The following GOLM2 variants were observed in gnomAD, a reference collection of about 807,000 sequenced individuals.
GOLM2 encodes the protein golgi membrane protein 2.
In GOLM2, 26 loss-of-function variants were observed where a neutral mutation model predicts 55.9. The observed-to-expected ratio is 0.47, with a 90% CI of 0.34 to 0.65. GOLM2 has a LOEUF of 0.65. Among genes scored for constraint, GOLM2 ranks in the 30% least tolerant of loss-of-function variants. The pLI is 0.01. For missense variants in GOLM2, 486 were observed against 531.8 expected, an observed-to-expected ratio of 0.91 and a Z score of 0.85; for synonymous variants, 165 against 194.6, an observed-to-expected ratio of 0.85 and a Z score of 1.27.
intron 2 of GOLM2, among the ~76,000 whole-genome samples, chr15:44,324,688 G>A (rs539555379): frequency 6.6e-6 from 1 of 152,066 alleles, no homozygotes; most frequent in African/African-American, 2.4e-5. Context: ...ATTTTGATTA[G>A]CTTACCTTGT....
At chr15:44,369,713 C>T (rs1357147666) in intron 6 of GOLM2, among the ~76,000 whole-genome samples, 2 of 150,904 alleles carry the variant, frequency 1.3e-5, no homozygotes, top group East Asian at 3.9e-4. Context: ...CACACACACA[C>T]ACACACACAC....
At chr15:44,339,578 T>A (rs944739244) in intron 6 of GOLM2, among the ~76,000 whole-genome samples, 2 of 152,054 alleles carry the variant, frequency 1.3e-5, no homozygotes, top group Admixed American at 1.3e-4. Flanking sequence ...CCTCAAGTGA[T>A]TCTCCCACCT....
chr15:44,331,804 C>T (rs1378735820), intron 3 of GOLM2, among the ~76,000 whole-genome samples, 184 bp from the exon 4 acceptor site: 2 of 152,120 alleles, frequency 1.3e-5, no homozygotes, highest in Admixed American at 6.6e-5. Context: ...TTATCTACCT[C>T]CTATTACAAG....
chr15:44,397,890 T>C (rs1364994004), intron 8 of GOLM2, among the ~76,000 whole-genome samples: 4 of 152,228 alleles, frequency 2.6e-5, no homozygotes, highest in African/African-American at 7.2e-5. Flanking sequence ...GTTTCCAGGC[T>C]AGGATTTGGA....
At chr15:44,297,655 G>C (rs1232828088) in intron 1 of GOLM2, among the ~76,000 whole-genome samples, 6 of 150,820 alleles carry the variant, frequency 4.0e-5, no homozygotes, top group Non-Finnish European at 7.4e-5. Flanking sequence ...TCCGCCTCCC[G>C]GGTTCACACC....
intron 3 of GOLM2, 120 bp from the exon 4 acceptor site, chr15:44,331,868 C>T: frequency 3.0e-6 from 2 of 658,328 alleles, no homozygotes; most frequent in East Asian, 2.8e-5. Flanking sequence ...CTGTTTTTTC[C>T]AGCCCACTCT....
chr15:44,338,292 A>G lies in GOLM2; in HGVS notation c.777A>G (p.Leu259=). The G allele has an allele frequency of 1.2e-6, 2 of 1,613,790 alleles. No individual in the cohort carries two copies. Among genetic ancestry groups the G allele is most frequent in the Non-Finnish European group, 1.7e-6 (2 of 1,179,744 alleles). Residue 259 remains leucine (L), a synonymous_variant, in exon 6 of 10, where the codon CTA becomes CTG. Coordinates refer to ENST00000299957, the MANE Select transcript of GOLM2 (RefSeq NM_138423.4). ...TGCCTGGAATAGAAGAGAATGACCT[A>G]GCAAAAGTTGATGATCTTCCCCCTG... ...AGMPGIEEND[L]AKVDDLPPAL...
chr15:44,363,649 T>C (rs1271001025), intron 6 of GOLM2, among the ~76,000 whole-genome samples: 1 of 152,108 alleles, frequency 6.6e-6, no homozygotes, highest in East Asian at 1.9e-4. Context: ...TCCTCAGGGA[T>C]CTAGAACTAG....
intron 8 of GOLM2, among the ~76,000 whole-genome samples, chr15:44,396,079 G>C (rs1567043260): frequency 6.6e-6 from 1 of 152,106 alleles, no homozygotes; most frequent in Admixed American, 6.6e-5. Flanking sequence ...ATGAGGCCAG[G>C]TGTGGTGGCT....
chr15:44,391,308 A>T (rs1466784075), intron 8 of GOLM2, among the ~76,000 whole-genome samples: 1 of 151,910 alleles, frequency 6.6e-6, no homozygotes, highest in Non-Finnish European at 1.5e-5. Context: ...AGGTCGGGAG[A>T]TCGAGACCAT....
At chr15:44,369,068 TATATATA>T (rs1567037143) in intron 6 of GOLM2, among the ~76,000 whole-genome samples, 91 of 5,832 alleles carry the variant, frequency 0.016, 1 homozygote, top group African/African-American at 0.038. Flanking sequence ...TAGGATATAT[TATATATA>T]TATATATATA....
intron 4 of GOLM2, among the ~76,000 whole-genome samples, chr15:44,333,796 A>C (rs974856653): frequency 6.6e-6 from 1 of 151,858 alleles, no homozygotes; most frequent in African/African-American, 2.4e-5. Context: ...AGCTCACTGC[A>C]AGTTCCGCCT....
intron 1 of GOLM2, among the ~76,000 whole-genome samples, chr15:44,315,355 C>T (rs961387271): frequency 3.3e-5 from 5 of 151,990 alleles, no homozygotes; most frequent in African/African-American, 7.3e-5. Context: ...AAGAACAGAC[C>T]GTAATGAAAG....
At chr15:44,296,343 T>G (rs1307735401) in intron 1 of GOLM2, among the ~76,000 whole-genome samples, 2 of 151,828 alleles carry the variant, frequency 1.3e-5, no homozygotes, top group African/African-American at 4.8e-5. Context: ...AAATTGTCGT[T>G]TTATTACACA....
intron 1 of GOLM2, among the ~76,000 whole-genome samples, chr15:44,306,223 G>T (rs1206219963): frequency 1.3e-5 from 2 of 152,140 alleles, no homozygotes; most frequent in African/African-American, 4.8e-5. Flanking sequence ...AGTGATCTTA[G>T]CTAGATTTTC....
chr15:44,318,723 A>G (rs891411045), intron 1 of GOLM2, among the ~76,000 whole-genome samples: 1 of 152,062 alleles, frequency 6.6e-6, no homozygotes, highest in African/African-American at 2.4e-5. Context: ...AAAAAAAAAA[A>G]AAATTGGAAG....
chr15:44,388,606 A>G (rs1457492042), intron 8 of GOLM2, among the ~76,000 whole-genome samples: 1 of 150,842 alleles, frequency 6.6e-6, no homozygotes, highest in Non-Finnish European at 1.5e-5. Context: ...CCCAGGAGTT[A>G]GAGGCTGCAG....
At chr15:44,399,564 G>A (rs1363727292) in intron 8 of GOLM2, among the ~76,000 whole-genome samples, 1 of 152,074 alleles carries the variant, frequency 6.6e-6, no homozygotes, top group African/African-American at 2.4e-5. Flanking sequence ...ATTTTAAATT[G>A]TTCTGTTGGA....
At chr15:44,397,502 A>C (rs12908366) in intron 8 of GOLM2, among the ~76,000 whole-genome samples, 2 of 144,668 alleles carry the variant, frequency 1.4e-5, no homozygotes, top group Non-Finnish European at 3.0e-5. Context: ...AAAAAAAAAA[A>C]CAAAACCACA....
Sources: gnomAD v4.1 joint callset for allele counts (sites outside exome capture counted in the v4.1 genomes callset) on GRCh38, gnomAD v4.1.1 for gene constraint, MANE v1.5 for transcripts, NCBI Gene and HGNC (gene_info 2026-07-23, HGNC 2026-07-21) for gene names.